Variants in PRP4K observed in about 807,000 individuals in gnomAD.
PRP4K encodes the protein pre-mRNA processing factor kinase PRP4K.
chr6:4,046,034 G>A, the PRP4K span, among the ~76,000 whole-genome samples: 1 of 152,106 alleles, frequency 6.6e-6, no homozygotes, highest in Non-Finnish European at 1.5e-5. Context: ...AGTTTATTCA[G>A]TCAGACTTTG....
chr6:4,022,154 A>AAT, the PRP4K span, among the ~76,000 whole-genome samples: 1 of 92,054 alleles, frequency 1.1e-5, no homozygotes, highest in Non-Finnish European at 2.0e-5. Context: ...GAGGCCTGGC[A>AAT]TTTTTTTTTT....
the PRP4K span, chr6:4,031,912 G>A: frequency 1.2e-6 from 2 of 1,614,010 alleles, no homozygotes; most frequent in Non-Finnish European, 1.7e-6. Flanking sequence ...GTCCAGTCTG[G>A]TATGGGGCTC....
the PRP4K span, among the ~76,000 whole-genome samples, chr6:4,035,385 T>C: frequency 6.8e-6 from 1 of 148,044 alleles, no homozygotes; most frequent in South Asian, 2.2e-4. Flanking sequence ...GACCTCAGGT[T>C]ATCTGCCTGC....
chr6:4,054,792 A>AT, the PRP4K span, among the ~76,000 whole-genome samples: 144 of 152,234 alleles, frequency 9.5e-4, 1 homozygote, highest in Admixed American at 1.4e-3. Flanking sequence ...GCGTGAGCCA[A>AT]TTTTTTGTTT....
At chr6:4,041,463 G>A in the PRP4K span, among the ~76,000 whole-genome samples, 2 of 152,140 alleles carry the variant, frequency 1.3e-5, no homozygotes, top group African/African-American at 4.8e-5. Context: ...TGAGGTGGGA[G>A]GATCACTTGA....
chr6:4,036,083 A>C, the PRP4K span, among the ~76,000 whole-genome samples: 1 of 152,262 alleles, frequency 6.6e-6, no homozygotes, highest in Admixed American at 6.5e-5. Context: ...CTGGAATAAC[A>C]TTAAGAAATG....
At chr6:4,058,905 ACC>A in the PRP4K span, 1 of 1,026,516 alleles carries the variant, frequency 9.7e-7, no homozygotes, top group Non-Finnish European at 1.4e-6. Context: ...AAAAACAAAA[ACC>A]CAAAAGTAAG....
chr6:4,052,174 A>G, the PRP4K span: 2 of 1,424,126 alleles, frequency 1.4e-6, no homozygotes, highest in Non-Finnish European at 1.9e-6. Context: ...AAATGCTGTA[A>G]CAGATTTTCT....
At chr6:4,023,042 C>T in the PRP4K span, among the ~76,000 whole-genome samples, 1 of 152,126 alleles carries the variant, frequency 6.6e-6, no homozygotes, top group South Asian at 2.1e-4. Context: ...CTTTAATTTC[C>T]CTTCCCTTCC....
the PRP4K span, among the ~76,000 whole-genome samples, chr6:4,055,425 A>T: frequency 1.3e-5 from 2 of 152,196 alleles, no homozygotes; most frequent in African/African-American, 2.4e-5. Flanking sequence ...TTAACTCTGG[A>T]TATCATTTAT....
chr6:4,056,731 T>C, the PRP4K span: 4 of 1,516,408 alleles, frequency 2.6e-6, no homozygotes, highest in South Asian at 3.4e-5. Flanking sequence ...CCTTTGTTTT[T>C]TCCTGTTGCC....
At chr6:4,050,262 G>A in the PRP4K span, among the ~76,000 whole-genome samples, 1 of 1,350 alleles carries the variant, frequency 7.4e-4, no homozygotes, top group East Asian at 4.0e-3. Flanking sequence ...TCCTGACCTC[G>A]TGATCCGCCC....
At chr6:4,057,001 A>G in the PRP4K span, 2 of 1,505,994 alleles carry the variant, frequency 1.3e-6, no homozygotes, top group Non-Finnish European at 1.8e-6. Flanking sequence ...AGTTTTCTCT[A>G]TCCTCGTATA....
the PRP4K span, among the ~76,000 whole-genome samples, chr6:4,038,462 G>T: frequency 0.044 from 6,290 of 143,906 alleles, 174 homozygotes; most frequent in Non-Finnish European, 0.063. Flanking sequence ...TTTTTTTTTT[G>T]TATTTTTCTA....
chr6:4,040,551 C>G, the PRP4K span, among the ~76,000 whole-genome samples: 1 of 152,220 alleles, frequency 6.6e-6, no homozygotes, highest in East Asian at 1.9e-4. Flanking sequence ...TAGTTATCTT[C>G]AGCTAAGCTG....
the PRP4K span, among the ~76,000 whole-genome samples, chr6:4,026,303 CTT>C: frequency 1.5e-3 from 175 of 118,796 alleles, 1 homozygote; most frequent in South Asian, 0.014. Flanking sequence ...TGTGCCCAGC[CTT>C]TTTTTTTTTT....
the PRP4K span, among the ~76,000 whole-genome samples, chr6:4,045,203 T>G: frequency 6.6e-6 from 1 of 152,258 alleles, no homozygotes; most frequent in African/African-American, 2.4e-5. Flanking sequence ...CAGAAAAAAC[T>G]TTGGCACTGA....
the PRP4K span, among the ~76,000 whole-genome samples, chr6:4,036,561 C>T: frequency 6.6e-6 from 1 of 152,094 alleles, no homozygotes; most frequent in Admixed American, 6.5e-5. Context: ...CACTCTGTCA[C>T]TTGGGCTGCA....
the PRP4K span, chr6:4,064,510 G>C: frequency 6.6e-6 from 1 of 152,398 alleles, no homozygotes; most frequent in Non-Finnish European, 1.5e-5. Flanking sequence ...AGATAGGAAA[G>C]AAAGCCATAT....
Sources: gnomAD v4.1 joint callset for allele counts (sites outside exome capture counted in the v4.1 genomes callset) on GRCh38, gnomAD v4.1.1 for gene constraint, MANE v1.5 for transcripts, NCBI Gene and HGNC (gene_info 2026-07-23, HGNC 2026-07-21) for gene names.